Variants in SV2B observed in about 807,000 individuals in gnomAD.
The protein encoded by SV2B is synaptic vesicle glycoprotein 2B.
Under a neutral mutation model 73.9 loss-of-function variants are expected in SV2B, and 41 were observed. That is an observed-to-expected ratio of 0.56 (90% CI 0.43 to 0.72). SV2B has a LOEUF of 0.72. Ranked by LOEUF, SV2B falls within the 30% of genes least tolerant of loss-of-function variation. The pLI is 0.00. For missense variants in SV2B, 764 were observed against 857.8 expected (o/e 0.89, Z 1.37); for synonymous variants, 314 against 314.2 (o/e 1.00, Z 0.01).
chr15:91,251,805 C>T lies in SV2B; in HGVS notation c.452-14C>T, dbSNP rs368302511. The T allele has an allele frequency of 1.2e-4, 199 of 1,612,822 alleles. No individual in the cohort carries two copies. The highest frequency in any genetic ancestry group is 1.6e-4 in the Non-Finnish European group (194 of 1,179,204). ...TTTTCTCTCTATTCTCTCCTCTCCT[C>T]CCCCTCATTGCAGGGATGATAGTCT... On this transcript the variant is annotated splice_polypyrimidine_tract_variant and intron_variant, in intron 2 of 12. Coordinates refer to ENST00000394232, the MANE Select transcript of SV2B (RefSeq NM_001323032.3).
Position 91,221,760 on chromosome 15 carries a change from GC to G in SV2B, c.-391-4111del, listed in dbSNP as rs1417171200. Among the ~76,000 whole-genome samples, 13 of 151,488 alleles carry G rather than the reference GC, an allele frequency of 8.6e-5. No homozygotes were observed. The East Asian group carries it at 1.2e-3, about 14-fold the overall frequency. On this transcript the variant is annotated intron_variant, in intron 1 of 12. Transcript: ENST00000394232. ...ATGAAAGCTTCTACCTGGTTTCATT[GC>G]CGTTAGATTTTTTATTAAAAACCAG...
chr15:91,104,792 C>G (rs901715415), intron 1 of SV2B, among the ~76,000 whole-genome samples: 1 of 152,136 alleles, frequency 6.6e-6, no homozygotes, highest in Non-Finnish European at 1.5e-5. Context: ...ACCACCATGC[C>G]CGGCTAATTT....
At chr15:91,266,557 T>C (rs1310971373) in intron 6 of SV2B, 25 bp from the exon 7 acceptor site, 3 of 1,576,400 alleles carry the variant, frequency 1.9e-6, no homozygotes, top group Non-Finnish European at 2.6e-6. Flanking sequence ...GTTCAAATTC[T>C]CTATATCCTA....
At chr15:91,147,414 G>A (rs2043177376) in intron 1 of SV2B, among the ~76,000 whole-genome samples, 1 of 152,218 alleles carries the variant, frequency 6.6e-6, no homozygotes, top group South Asian at 2.1e-4. Flanking sequence ...CTTGGGTCGT[G>A]TCATTTCAGT....
chr15:91,230,151 G>C (rs777301115), intron 2 of SV2B, among the ~76,000 whole-genome samples: 9 of 151,904 alleles, frequency 5.9e-5, no homozygotes, highest in Non-Finnish European at 1.0e-4. Context: ...TGAGGTGGGA[G>C]GATTGCTTGG....
Position 91,252,299 on chromosome 15 carries a change from A to C in SV2B, c.633-70A>C. Reference sequence around the variant, plus strand: ...CAGAGCCTAAGGTGGGGTATAGGCAACTTGGTTTCTGCTGTGACCATTTTT... The same window carrying C: ...CAGAGCCTAAGGTGGGGTATAGGCACCTTGGTTTCTGCTGTGACCATTTTT... On this transcript the variant is annotated intron_variant, in intron 3 of 12. Transcript: ENST00000394232. This position sits in a 1 kb window ranked among gnomAD's most constrained non-coding sequence, Gnocchi z 4.6. 2 of 1,542,854 alleles carry C rather than the reference A, an allele frequency of 1.3e-6. No homozygotes were observed. Among genetic ancestry groups the C allele is most frequent in the Non-Finnish European group, 8.8e-7 (1 of 1,142,520 alleles).
intron 9 of SV2B, among the ~76,000 whole-genome samples, chr15:91,278,125 T>C (rs996664545): frequency 6.6e-6 from 1 of 152,330 alleles, no homozygotes; most frequent in East Asian, 1.9e-4. Flanking sequence ...TTTGAGGAAG[T>C]AAGATGGCCA....
intron 2 of SV2B, 132 bp downstream of exon 2, chr15:91,226,846 A>C (rs1056602988): frequency 1.7e-6 from 2 of 1,146,564 alleles, no homozygotes; most frequent in African/African-American, 1.6e-5. Flanking sequence ...TTTTTGTCTT[A>C]GAGAAATCAA....
At chr15:91,208,600 A>G (rs760078264) in intron 1 of SV2B, among the ~76,000 whole-genome samples, 1 of 152,216 alleles carries the variant, frequency 6.6e-6, no homozygotes, top group Non-Finnish European at 1.5e-5. Context: ...GTGATGTGCC[A>G]TCTGTTTCTA....
intron 1 of SV2B, among the ~76,000 whole-genome samples, chr15:91,217,086 A>T (rs1220130967): frequency 6.6e-6 from 1 of 152,040 alleles, no homozygotes; most frequent in Non-Finnish European, 1.5e-5. Flanking sequence ...CATGTTGGCC[A>T]GGCTGGCCTT....
intron 1 of SV2B, among the ~76,000 whole-genome samples, chr15:91,179,243 C>T (rs1418319654): frequency 6.6e-6 from 1 of 152,108 alleles, no homozygotes; most frequent in Non-Finnish European, 1.5e-5. Flanking sequence ...TTTGATTGCA[C>T]TGTGGTCTGA....
intron 1 of SV2B, among the ~76,000 whole-genome samples, chr15:91,193,469 C>T (rs150272487): frequency 2.0e-5 from 3 of 152,292 alleles, no homozygotes; most frequent in African/African-American, 7.2e-5. Context: ...GTGATCCAGA[C>T]CGTCTGTGCT....
intron 1 of SV2B, among the ~76,000 whole-genome samples, chr15:91,165,017 G>A (rs1165639816): frequency 6.6e-6 from 1 of 152,152 alleles, no homozygotes; most frequent in Non-Finnish European, 1.5e-5. Context: ...GTCTGCATCT[G>A]TGGATTCAAG....
chr15:91,155,766 G>C (rs2043469000), intron 1 of SV2B, among the ~76,000 whole-genome samples: 1 of 152,128 alleles, frequency 6.6e-6, no homozygotes, highest in Non-Finnish European at 1.5e-5. Flanking sequence ...AAAATAATCT[G>C]AGCCATTTGA....
chr15:91,198,997 A>G lies in SV2B; in HGVS notation c.-391-26876A>G, dbSNP rs1025584817. Among the ~76,000 whole-genome samples the G allele has an allele frequency of 1.2e-4, 18 of 152,334 alleles. No homozygotes were observed. In the East Asian group the frequency reaches 1.5e-3, roughly 13 times the overall value. On this transcript the variant is annotated intron_variant, in intron 1 of 12. Transcript: ENST00000394232. Reference sequence around the variant, plus strand: ...ATTATAAAATTTATTTTGAATATAAATACTTAAAACTTAAAAAGTCTACTC... The same window carrying G: ...ATTATAAAATTTATTTTGAATATAAGTACTTAAAACTTAAAAAGTCTACTC...
chr15:91,233,240 C>T (rs1345679712), intron 2 of SV2B, among the ~76,000 whole-genome samples: 1 of 152,136 alleles, frequency 6.6e-6, no homozygotes, highest in Non-Finnish European at 1.5e-5. Flanking sequence ...TACATCTAAT[C>T]AAATACTTAT....
At chr15:91,158,680 T>TTCCCTTCC (rs2043584933) in intron 1 of SV2B, among the ~76,000 whole-genome samples, 6 of 61,224 alleles carry the variant, frequency 9.8e-5, no homozygotes, top group African/African-American at 3.3e-4. Context: ...TCTTCTCTTC[T>TTCCCTTCC]CTTCTCTTCT....
At position 91,289,074 on chromosome 15, in the gene SV2B, T is replaced by C. The variant is rs1356283492; in HGVS notation, c.1709-447T>C. Among the ~76,000 whole-genome samples, 3 of 152,220 alleles carry C rather than the reference T, an allele frequency of 2.0e-5. No individual in the cohort carries two copies. Among genetic ancestry groups the C allele is most frequent in the African/African-American group, 7.2e-5 (3 of 41,452 alleles). On this transcript the variant is annotated intron_variant, in intron 11 of 12. Coordinates refer to ENST00000394232, the MANE Select transcript of SV2B (RefSeq NM_001323032.3). This position sits in a 1 kb window ranked among gnomAD's most constrained non-coding sequence, Gnocchi z 4.9. ...GGTTGACTCCATATTTTGACTATTG[T>C]GAATATTGCTACATTGAACAAGAAG...
chr15:91,146,742 T>C (rs1465248007), intron 1 of SV2B, among the ~76,000 whole-genome samples: 1 of 152,186 alleles, frequency 6.6e-6, no homozygotes, highest in East Asian at 1.9e-4. Flanking sequence ...GTATAAAAAG[T>C]CATCCACAGA....
Sources: gnomAD v4.1 joint callset for allele counts (sites outside exome capture counted in the v4.1 genomes callset) on GRCh38, gnomAD v4.1.1 for gene constraint, Gnocchi (gnomAD v3.1) non-coding constraint, MANE v1.5 for transcripts, NCBI Gene and HGNC (gene_info 2026-07-23, HGNC 2026-07-21) for gene names.